The following BBX variants were observed in gnomAD, a reference collection of about 807,000 sequenced individuals.
The protein encoded by BBX is BBX high mobility group box domain containing.
Under a neutral mutation model 100.2 loss-of-function variants are expected in BBX, and 30 were observed. The observed-to-expected ratio is 0.30, with a 90% CI of 0.22 to 0.41. The LOEUF (loss-of-function observed/expected upper bound fraction) is 0.41. BBX is among the 10% of genes least tolerant of loss of function. BBX has a pLI of 1.00. For missense variants in BBX, 1,023 were observed against 1,129.8 expected, an observed-to-expected ratio of 0.91 and a Z score of 1.35; for synonymous variants, 376 against 388.1, an observed-to-expected ratio of 0.97 and a Z score of 0.37.
intron 3 of BBX, among the ~76,000 whole-genome samples, chr3:107,697,786 C>A (rs1194326012): frequency 6.6e-6 from 1 of 151,846 alleles, no homozygotes; most frequent in African/African-American, 2.4e-5. Flanking sequence ...GCGGGCGCCC[C>A]TCCCCCAGCC....
At chr3:107,601,451 A>G (rs188680641) in intron 2 of BBX, among the ~76,000 whole-genome samples, 3 of 152,364 alleles carry the variant, frequency 2.0e-5, no homozygotes, top group Admixed American at 2.0e-4. Context: ...GAAGAAAATT[A>G]AAAGTACTAC....
intron 2 of BBX, among the ~76,000 whole-genome samples, chr3:107,607,868 T>C (rs2054566986): frequency 6.6e-6 from 1 of 152,224 alleles, no homozygotes. Context: ...TTGAGAGATG[T>C]CTAGTCAGAT....
intron 3 of BBX, among the ~76,000 whole-genome samples, chr3:107,696,865 A>T (rs140579970): frequency 2.6e-5 from 4 of 151,424 alleles, no homozygotes; most frequent in African/African-American, 9.8e-5. Context: ...CTTTTCACAT[A>T]GTCCCATATT....
At chr3:107,693,567 T>C (rs1278812239) in intron 3 of BBX, among the ~76,000 whole-genome samples, 1 of 151,818 alleles carries the variant, frequency 6.6e-6, no homozygotes, top group African/African-American at 2.4e-5. Context: ...TATCTCTGTT[T>C]TGGTACCAGT....
At chr3:107,550,253 A>G (rs1011514451) in intron 2 of BBX, among the ~76,000 whole-genome samples, 2 of 152,144 alleles carry the variant, frequency 1.3e-5, no homozygotes, top group African/African-American at 4.8e-5. Flanking sequence ...GGCATAGTAG[A>G]TGCTCAATAC....
chr3:107,713,967 C>CTTTTTTT (rs569427270), intron 4 of BBX, among the ~76,000 whole-genome samples: 11 of 82,282 alleles, frequency 1.3e-4, no homozygotes, highest in Non-Finnish European at 2.6e-4. Flanking sequence ...TAATTTTTTT[C>CTTTTTTT]TTTTTTTTTT....
chr3:107,753,659 G>GAC (rs1047676643), intron 9 of BBX, among the ~76,000 whole-genome samples: 1 of 152,192 alleles, frequency 6.6e-6, no homozygotes, highest in African/African-American at 2.4e-5. Context: ...ATGTGGGAGT[G>GAC]ACACACACGG....
intron 17 of BBX, among the ~76,000 whole-genome samples, chr3:107,803,762 A>G (rs988275516): frequency 1.3e-5 from 2 of 152,154 alleles, no homozygotes; most frequent in African/African-American, 4.8e-5. Context: ...AGCTTCAGTC[A>G]TGTCAGAGAA....
intron 2 of BBX, among the ~76,000 whole-genome samples, chr3:107,604,174 C>T (rs1052887662): frequency 2.6e-5 from 4 of 152,088 alleles, no homozygotes; most frequent in African/African-American, 9.7e-5. Context: ...AAAACTATTC[C>T]CAGGTGTTTC....
At chr3:107,527,859 A>G (rs1375671520) in intron 2 of BBX, among the ~76,000 whole-genome samples, 1 of 152,200 alleles carries the variant, frequency 6.6e-6, no homozygotes, top group Non-Finnish European at 1.5e-5. Context: ...GGGCAAGAGT[A>G]TTCAAAATGC....
intron 13 of BBX, among the ~76,000 whole-genome samples, chr3:107,789,532 A>G (rs2068770563): frequency 6.6e-6 from 1 of 152,166 alleles, no homozygotes; most frequent in Non-Finnish European, 1.5e-5. Flanking sequence ...CTGTATCTGC[A>G]GTTTCTGCTT....
chr3:107,585,207 G>A (rs190724679), intron 2 of BBX, among the ~76,000 whole-genome samples: 51 of 152,234 alleles, frequency 3.4e-4, no homozygotes, highest in South Asian at 6.2e-4. Flanking sequence ...AGGCCATTGC[G>A]ATGATGTGGA....
At chr3:107,616,425 AGTTTTT>A (rs559125863) in intron 2 of BBX, among the ~76,000 whole-genome samples, 10 of 152,036 alleles carry the variant, frequency 6.6e-5, no homozygotes, top group African/African-American at 9.7e-5. Context: ...GTGCATATTC[AGTTTTT>A]GTTTTTGTTT....
At chr3:107,802,947 C>T (rs996246655) in intron 17 of BBX, among the ~76,000 whole-genome samples, 3 of 152,206 alleles carry the variant, frequency 2.0e-5, no homozygotes, top group Non-Finnish European at 4.4e-5. Context: ...TTTCTTGTTG[C>T]TCCTGCATGC....
intron 3 of BBX, among the ~76,000 whole-genome samples, chr3:107,683,439 A>G (rs1238714078): frequency 6.6e-6 from 1 of 152,116 alleles, no homozygotes; most frequent in African/African-American, 2.4e-5. Context: ...GAAAATAGCT[A>G]TTTTGCTAGA....
chr3:107,769,223 TAGATAGAC>T (rs201784627), intron 10 of BBX, among the ~76,000 whole-genome samples: 8,175 of 132,582 alleles, frequency 0.062, 339 homozygotes, highest in Middle Eastern at 0.099. Context: ...GATAGATAGA[TAGATAGAC>T]AGATAGATAG....
intron 9 of BBX, 143 bp from the exon 10 acceptor site, chr3:107,755,455 C>T: frequency 1.1e-5 from 7 of 639,844 alleles, no homozygotes; most frequent in South Asian, 4.3e-5. Context: ...AATGATCATC[C>T]CAAATGTGAC....
intron 3 of BBX, among the ~76,000 whole-genome samples, chr3:107,648,770 C>T (rs2057672073): frequency 6.6e-6 from 1 of 152,164 alleles, no homozygotes. Context: ...TAGAACTCCT[C>T]AGCCAATAGT....
intron 3 of BBX, among the ~76,000 whole-genome samples, chr3:107,685,722 A>C (rs2059810092): frequency 6.6e-6 from 1 of 152,206 alleles, no homozygotes; most frequent in African/African-American, 2.4e-5. Flanking sequence ...TAACCACATA[A>C]TTTTTCATTC....
Sources: allele counts gnomAD v4.1 joint callset (sites outside exome capture counted in the v4.1 genomes callset), GRCh38; gene constraint gnomAD v4.1.1; transcripts MANE v1.5; gene names NCBI Gene and HGNC (gene_info 2026-07-23, HGNC 2026-07-21).